CMKLR2: variants seen among roughly 807,000 people sequenced by gnomAD.
CMKLR2 encodes chemerin chemokine-like receptor 2, also known as chemerin-like receptor 2.
Under a neutral mutation model 23.0 loss-of-function variants are expected in CMKLR2, and 18 were observed. That is an observed-to-expected ratio of 0.78 (90% CI 0.54 to 1.16). The LOEUF is 1.16. Ranked by LOEUF, CMKLR2 falls within the 50% of genes most tolerant of loss-of-function variation. The pLI is 0.00. For synonymous variants in CMKLR2, 158 were observed against 158.9 expected (o/e 0.99, Z 0.05); for missense variants, 401 against 412.7 (o/e 0.97, Z 0.25).
rs771786296 is a variant in CMKLR2, at chr2:206,176,868, A to G, written c.380T>C (p.Phe127Ser). Residue 127 changes from phenylalanine to serine, a missense_variant, in exon 2 of 2, where the codon TTC becomes TCC. Coordinates refer to ENST00000621141, the MANE Select transcript of CMKLR2 (RefSeq NM_001389445.1). The part of the protein sequence containing the change: ...AQLNMFASVF[F>S]LTVISLDHYI... ...GTGGTCCAGGCTGATCACTGTCAGG[A>G]AAAAAACACTGGCAAACATGTTCAA... is the stretch of plus-strand genomic sequence containing the variant. 2 of 1,614,050 alleles carry G rather than the reference A, an allele frequency of 1.2e-6. No homozygotes were observed. Among genetic ancestry groups the G allele is most frequent in the Non-Finnish European group, 1.7e-6 (2 of 1,180,006 alleles).
chr2:206,185,228 C>G (rs574101282), intron 1 of CMKLR2, among the ~76,000 whole-genome samples: 1 of 152,216 alleles, frequency 6.6e-6, no homozygotes, highest in Admixed American at 6.5e-5. Flanking sequence ...CTCAAGTGAT[C>G]TGCCCACCTC....
chr2:206,175,970 T>A lies in CMKLR2; in HGVS notation c.*210A>T, dbSNP rs182619387. On this transcript the variant is annotated 3_prime_UTR_variant, in exon 2 of 2. Coordinates refer to ENST00000621141, the MANE Select transcript of CMKLR2 (RefSeq NM_001389445.1). ...TCCTTCCTAAGTATTTTCAGTTTTT[T>A]AAAAAAAATTTATTGCCACATCACA... The A allele has an allele frequency of 2.8e-4, 116 of 408,940 alleles. No homozygotes were observed. The highest frequency in any genetic ancestry group is 2.2e-3 in the African/African-American group (108 of 48,912). The allele number at this position is 408,940 out of a possible 1,614,324, so 25.3% of individuals were successfully genotyped here.
chr2:206,189,945 C>T (rs184969873), intron 1 of CMKLR2, among the ~76,000 whole-genome samples: 3 of 152,208 alleles, frequency 2.0e-5, no homozygotes, highest in Admixed American at 2.0e-4. Flanking sequence ...GATGAACGAT[C>T]TCTGCTTGGA....
intron 1 of CMKLR2, among the ~76,000 whole-genome samples, chr2:206,212,819 C>T (rs1467783201): frequency 6.6e-6 from 1 of 152,146 alleles, no homozygotes; most frequent in African/African-American, 2.4e-5. Context: ...TGCATTACAA[C>T]TCAATTTATA....
Position 206,176,534 on chromosome 2 carries a change from G to A in CMKLR2, c.714C>T (p.Ile238=), listed in dbSNP as rs150688791. 1.1e-5 allele frequency: 18 copies of A among 1,613,976 alleles called. No individual in the cohort carries two copies. In the African/African-American group the frequency reaches 1.6e-4, roughly 14 times the overall value. The change falls in exon 2 of 2, where the codon ATC becomes ATT. Residue 238 remains isoleucine, a synonymous_variant. Coordinates refer to ENST00000621141, the MANE Select transcript of CMKLR2 (RefSeq NM_001389445.1). ...CLIFKVKKRS[I]LISSRHFWTI... is the part of the protein sequence containing the mutation. ...TCCAGAAATGCCTACTGGAGATCAG[G>A]ATGCTTCGCTTCTTCACCTTGAAGA...
chr2:206,177,299 A>C (rs1469312853), intron 1 of CMKLR2, 24 bp from the exon 2 acceptor site: 3 of 1,168,830 alleles, frequency 2.6e-6, no homozygotes, highest in Non-Finnish European at 2.4e-6. Context: ...TTTAAAAAGA[A>C]AGAAAAAATT....
At chr2:206,207,388 C>T (rs1263508541) in intron 1 of CMKLR2, among the ~76,000 whole-genome samples, 1 of 152,084 alleles carries the variant, frequency 6.6e-6, no homozygotes, top group Non-Finnish European at 1.5e-5. Flanking sequence ...GATCCACCTG[C>T]CTTGGCCTCC....
chr2:206,183,412 C>T (rs545868391), intron 1 of CMKLR2, among the ~76,000 whole-genome samples: 8 of 152,244 alleles, frequency 5.3e-5, no homozygotes, highest in South Asian at 2.1e-4. Flanking sequence ...CGTCTTCTTC[C>T]GCATTCTGTT....
intron 1 of CMKLR2, among the ~76,000 whole-genome samples, chr2:206,203,181 A>G (rs1409007798): frequency 3.3e-5 from 5 of 149,292 alleles, no homozygotes; most frequent in Admixed American, 3.3e-4. Flanking sequence ...AAAAAAAATT[A>G]GCCGGGCATG....
At chr2:206,214,164 GATTTT>G (rs1689670054), upstream of CMKLR2, among the ~76,000 whole-genome samples, 1 of 78,914 alleles carries the variant, frequency 1.3e-5, no homozygotes, top group South Asian at 4.1e-4. Context: ...TTAAAGACTT[GATTTT>G]TTTTTTTTTT....
intron 1 of CMKLR2, among the ~76,000 whole-genome samples, chr2:206,205,802 C>T (rs182877215): frequency 3.2e-3 from 485 of 152,014 alleles, no homozygotes; most frequent in African/African-American, 0.011. Flanking sequence ...CAGGTTCAAG[C>T]GATTCTCCTG....
At chr2:206,181,915 C>T (rs1688425444) in intron 1 of CMKLR2, among the ~76,000 whole-genome samples, 1 of 138,934 alleles carries the variant, frequency 7.2e-6, no homozygotes, top group African/African-American at 2.8e-5. Flanking sequence ...CATACCACTG[C>T]ACTCCAGCCT....
chr2:206,202,177 T>G (rs777043080), intron 1 of CMKLR2, among the ~76,000 whole-genome samples: 5 of 152,180 alleles, frequency 3.3e-5, no homozygotes, highest in Non-Finnish European at 5.9e-5. Context: ...ACATTTCTCA[T>G]ACTTGGAGAT....
chr2:206,207,729 T>TTTTTTTTTC (rs1689386608), intron 1 of CMKLR2, among the ~76,000 whole-genome samples: 1 of 37,814 alleles, frequency 2.6e-5, no homozygotes, highest in African/African-American at 7.6e-5. Context: ...CCTCAGGGCC[T>TTTTTTTTTC]TTTTTTTTTT....
chr2:206,211,754 A>C (rs1689572381), intron 1 of CMKLR2, among the ~76,000 whole-genome samples: 1 of 150,544 alleles, frequency 6.6e-6, no homozygotes, highest in Non-Finnish European at 1.5e-5. Context: ...AAACAAAAAA[A>C]CACACACATT....
At chr2:206,212,421 C>T (rs1221616513) in intron 1 of CMKLR2, among the ~76,000 whole-genome samples, 2 of 150,252 alleles carry the variant, frequency 1.3e-5, no homozygotes, top group African/African-American at 2.5e-5. Context: ...AAATTACCAT[C>T]GGATTAATTT....
At chr2:206,204,523 A>G in intron 1 of CMKLR2, among the ~76,000 whole-genome samples, 1 of 151,844 alleles carries the variant, frequency 6.6e-6, no homozygotes, top group Admixed American at 6.6e-5. Context: ...CAGAGAGCTC[A>G]TTTGTGGTTA....
intron 1 of CMKLR2, among the ~76,000 whole-genome samples, chr2:206,177,561 A>AT (rs1262692992): frequency 1.3e-5 from 2 of 151,898 alleles, no homozygotes; most frequent in Non-Finnish European, 2.9e-5. Flanking sequence ...TAATTTTTAA[A>AT]TTTTTTGTAG....
At chr2:206,186,533 A>T (rs1250579978) in intron 1 of CMKLR2, among the ~76,000 whole-genome samples, 1 of 152,174 alleles carries the variant, frequency 6.6e-6, no homozygotes, top group Non-Finnish European at 1.5e-5. Flanking sequence ...AGATGTTATA[A>T]GAAGTCTTTG....
Sources: gnomAD v4.1 joint callset for allele counts (sites outside exome capture counted in the v4.1 genomes callset) on GRCh38, gnomAD v4.1.1 for gene constraint, MANE v1.5 for transcripts, NCBI Gene and HGNC (gene_info 2026-07-23, HGNC 2026-07-21) for gene names.